REEP2: variants seen among roughly 807,000 people sequenced by gnomAD.
The protein encoded by REEP2 is receptor accessory protein 2.
Under a neutral mutation model 32.1 loss-of-function variants are expected in REEP2, and 9 were observed. That is an observed-to-expected ratio of 0.28 (90% confidence interval 0.17 to 0.49). The LOEUF (loss-of-function observed/expected upper bound fraction) is 0.49, where lower values mean the gene tolerates loss of function less well. Ranked by LOEUF, REEP2 falls within the 20% of genes least tolerant of loss-of-function variation. The probability of loss-of-function intolerance (pLI) is 0.99; values close to 1 mark genes in which losing one functional copy is unlikely to be tolerated. For missense variants in REEP2, 236 were observed against 338.0 expected (o/e 0.70, Z 2.37); for synonymous variants, 128 against 139.1 (o/e 0.92, Z 0.56).
Position 138,439,183 on chromosome 5 carries a change from C to CGCCCCGCGCCGCGCCCG in REEP2, c.-18_-2dup. On this transcript the variant is annotated 5_prime_UTR_variant, in exon 1 of 8. Transcript: ENST00000378339. ...TGCATCCTCGGCCGGGCCGGGTCCC[C>CGCCCCGCGCCGCGCCCG]GCCCCGCGCCGCGCCCGGCCCCGCC... 7.4e-7 allele frequency: 1 copy of CGCCCCGCGCCGCGCCCG among 1,356,528 alleles called. No individual in the cohort carries two copies. Among genetic ancestry groups the CGCCCCGCGCCGCGCCCG allele is most frequent in the Non-Finnish European group, 9.5e-7 (1 of 1,056,776 alleles). The allele number at this position is 1,356,528 out of a possible 1,614,324, so 84.0% of individuals were successfully genotyped here.
chr5:138,442,933 G>A (rs1763853011), intron 3 of REEP2, among the ~76,000 whole-genome samples: 1 of 151,984 alleles, frequency 6.6e-6, no homozygotes. Flanking sequence ...GGCTGAGACA[G>A]GAGAATCGCT....
At chr5:138,439,421 A>T (rs1267103782) in intron 1 of REEP2, among the ~76,000 whole-genome samples, 181 bp downstream of exon 1, 1 of 152,164 alleles carries the variant, frequency 6.6e-6, no homozygotes, top group East Asian at 1.9e-4. Context: ...ATATTAGGGG[A>T]GCGTGGCAGG....
rs1004719118 is a variant in REEP2, at chr5:138,446,272, G to C, written c.*521G>C. The C allele has an allele frequency of 1.3e-5, 2 of 156,398 alleles. No homozygotes were observed. The highest frequency in any genetic ancestry group is 4.8e-5 in the African/African-American group (2 of 41,442). The allele number at this position is 156,398 out of a possible 1,614,324, so 9.7% of individuals were successfully genotyped here. A position where few individuals can be genotyped will look rare whatever the true frequency, so the allele number is the denominator to read the frequency against. On this transcript the variant is annotated 3_prime_UTR_variant, in exon 8 of 8. Coordinates refer to ENST00000378339, the MANE Select transcript of REEP2 (RefSeq NM_001271803.2). ...CAGCTGTGGATGGAAGACAGGGATTGGCCTGTGCTTCAGCGACCAGGATGG... is the reference window on the plus strand; with the variant it reads ...CAGCTGTGGATGGAAGACAGGGATTCGCCTGTGCTTCAGCGACCAGGATGG...
intron 3 of REEP2, 80 bp from the exon 4 acceptor site, chr5:138,444,335 C>T (rs1763882003): frequency 2.6e-6 from 4 of 1,542,132 alleles, no homozygotes; most frequent in Non-Finnish European, 3.5e-6. Context: ...TGCAGGGTCA[C>T]ACATGGGGCC....
In REEP2 at chr5:138,441,227, G is replaced by A. The variant is rs1401085076; in HGVS notation, c.105+139G>A. On this transcript the variant is annotated intron_variant, in intron 2 of 7. Coordinates refer to ENST00000378339, the MANE Select transcript of REEP2 (RefSeq NM_001271803.2). This position sits in a 1 kb window ranked among gnomAD's most constrained non-coding sequence, Gnocchi z 4.4. Reference sequence around the variant, plus strand: ...AGACCCACCAGCAAAGGAGGGCCCTGGGTGTCCCACACAGCGCCTCCAACA... The same window carrying A: ...AGACCCACCAGCAAAGGAGGGCCCTAGGTGTCCCACACAGCGCCTCCAACA... 1 of 1,341,840 alleles carries A rather than the reference G, an allele frequency of 7.5e-7. No homozygotes were observed. The highest frequency in any genetic ancestry group is 1.1e-6 in the Non-Finnish European group (1 of 948,726). The allele number at this position is 1,341,840 out of a possible 1,614,324, so 83.1% of individuals were successfully genotyped here.
Position 138,441,366 on chromosome 5 carries a change from G to C in REEP2, c.106-19G>C. On this transcript the variant is annotated intron_variant, in intron 2 of 7. Transcript: ENST00000378339. This position sits in a 1 kb window ranked among gnomAD's most constrained non-coding sequence, Gnocchi z 4.4. ...CCCTCAGCCCCGTGCCCCAGCCAGC[G>C]CTTCCCTCTGTCCCTCAGGTGAAAT... 1 of 1,612,490 alleles carries C rather than the reference G, an allele frequency of 6.2e-7. No homozygotes were observed. Among genetic ancestry groups the C allele is most frequent in the Non-Finnish European group, 8.5e-7 (1 of 1,178,520 alleles).
chr5:138,439,844 T>G (rs1367417796), intron 1 of REEP2: 1 of 442,064 alleles, frequency 2.3e-6, no homozygotes, highest in South Asian at 1.6e-5. Flanking sequence ...GGAGAGGGGA[T>G]GTGTGTGCTC....
At chr5:138,444,356 G>C (rs1337789775) in intron 3 of REEP2, 59 bp from the exon 4 acceptor site, 1 of 1,585,694 alleles carries the variant, frequency 6.3e-7, no homozygotes, top group Non-Finnish European at 8.6e-7. Flanking sequence ...GGTGCTGCTG[G>C]ACACAGGGCA....
chr5:138,441,236 A>T lies in REEP2; in HGVS notation c.105+148A>T. 3.1e-6 allele frequency: 4 copies of T among 1,310,244 alleles called. No homozygotes were observed. The South Asian group carries it at 3.7e-5, about 12-fold the overall frequency. The allele number at this position is 1,310,244 out of a possible 1,614,324, so 81.2% of individuals were successfully genotyped here. ...AGCAAAGGAGGGCCCTGGGTGTCCC[A>T]CACAGCGCCTCCAACATGGCTGGCA... On this transcript the variant is annotated intron_variant, in intron 2 of 7. Coordinates refer to ENST00000378339, the MANE Select transcript of REEP2 (RefSeq NM_001271803.2). This position sits in a 1 kb window ranked among gnomAD's most constrained non-coding sequence, Gnocchi z 4.4.
At chr5:138,440,975 C>T (rs765509830) in intron 1 of REEP2, 41 bp from the exon 2 acceptor site, 11 of 1,608,530 alleles carry the variant, frequency 6.8e-6, no homozygotes, top group Admixed American at 5.0e-5. Flanking sequence ...GAGGCCACTG[C>T]CCTTGGCTGA....
At position 138,441,474 on chromosome 5, in the gene REEP2, G is replaced by A. The variant is rs772121707; in HGVS notation, c.182+13G>A. 2.2e-5 allele frequency: 35 copies of A among 1,611,888 alleles called. No homozygotes were observed. The highest frequency in any genetic ancestry group is 2.3e-5 in the Non-Finnish European group (27 of 1,178,136). On this transcript the variant is annotated intron_variant, in intron 3 of 7. Coordinates refer to ENST00000378339, the MANE Select transcript of REEP2 (RefSeq NM_001271803.2). This position sits in a 1 kb window ranked among gnomAD's most constrained non-coding sequence, Gnocchi z 4.4. ...TAGTGCTCTCCTGGTGAGGTCCAGC[G>A]TCCCCTCCTGTATCTCAGGGCCCAG...
chr5:138,443,672 G>C (rs1763869921), intron 3 of REEP2: 1 of 151,868 alleles, frequency 6.6e-6, no homozygotes, highest in Non-Finnish European at 1.5e-5. Context: ...CTCCTGAGTA[G>C]CTGGGACCAC....
chr5:138,445,363 A>G lies in REEP2; in HGVS notation c.553A>G (p.Ile185Val). The change falls in exon 6 of 8, where the codon ATC (isoleucine) becomes GTC (valine). Residue 185 changes from isoleucine (I) to valine (V), a missense_variant. Ile to Val is a conservative substitution (Grantham distance 29). Coordinates refer to ENST00000378339, the MANE Select transcript of REEP2 (RefSeq NM_001271803.2). ...CAGCCCTGGCAGCCTCCTGGACACC[A>G]TCGAGGACTTAGGTACAGGCAGGGC... ...RPSPGSLLDT[I>V]EDLGDDPALS... is the part of the protein sequence containing the mutation. 1 of 1,612,738 alleles carries G rather than the reference A, an allele frequency of 6.2e-7. No homozygotes were observed. The highest frequency in any genetic ancestry group is 2.2e-5 in the East Asian group (1 of 44,846).
rs1416036264 is a variant in REEP2, at chr5:138,441,551, G to A, written c.182+90G>A. The A allele has an allele frequency of 6.3e-6, 7 of 1,115,780 alleles. No homozygotes were observed. The highest frequency in any genetic ancestry group is 9.5e-6 in the Non-Finnish European group (7 of 734,846). The allele number at this position is 1,115,780 out of a possible 1,614,324, so 69.1% of individuals were successfully genotyped here. A position where few individuals can be genotyped will look rare whatever the true frequency, so the allele number is the denominator to read the frequency against. ...GCCAAACAAAAGACTGGGCCTGGGG[G>A]TGAAGCTCCTCCCATTCCTGACAAT... On this transcript the variant is annotated intron_variant, in intron 3 of 7. Coordinates refer to ENST00000378339, the MANE Select transcript of REEP2 (RefSeq NM_001271803.2). This position sits in a 1 kb window ranked among gnomAD's most constrained non-coding sequence, Gnocchi z 4.4.
rs1216347336 is a variant in REEP2, at chr5:138,445,287, C to T, written c.477C>T (p.Ile159=). 8.1e-6 allele frequency: 13 copies of T among 1,613,452 alleles called. No individual in the cohort carries two copies. Among genetic ancestry groups the T allele is most frequent in the African/African-American group, 4.0e-5 (3 of 74,946 alleles). ...RSFSMQDLTL[I]RDEDALPLQR... ...TCAGCATGCAGGACCTGACCCTGAT[C>T]CGGGACGAGGACGCACTGCCCCTGC... Residue 159 remains isoleucine (I), a synonymous_variant, in exon 6 of 8, where the codon ATC becomes ATT. Coordinates refer to ENST00000378339, the MANE Select transcript of REEP2 (RefSeq NM_001271803.2).
At chr5:138,440,855 T>A in intron 1 of REEP2, 161 bp from the exon 2 acceptor site, 2 of 1,371,874 alleles carry the variant, frequency 1.5e-6, no homozygotes, top group Non-Finnish European at 1.9e-6. Flanking sequence ...TGGCTGGGCA[T>A]GTTCCATGCT....
At chr5:138,444,390 T>G (rs751072615) in intron 3 of REEP2, 25 bp from the exon 4 acceptor site, 1 of 1,611,922 alleles carries the variant, frequency 6.2e-7, no homozygotes, top group East Asian at 2.2e-5. Flanking sequence ...TGCCCTGTAC[T>G]CTGCGCTTGC....
chr5:138,445,511 A>G lies in REEP2; in HGVS notation c.609A>G (p.Ala203=). The stretch of plus-strand genomic sequence containing the variant: ...GTCTAAGGTCCAGCACAAACCCGGC[A>G]GATTCCCGGACAGAGGCTTCTGAGG... ...ALSLRSSTNP[A]DSRTEASEDD... The change falls in exon 7 of 8, where the codon GCA becomes GCG. Residue 203 remains alanine (A), a synonymous_variant. Coordinates refer to ENST00000378339, the MANE Select transcript of REEP2 (RefSeq NM_001271803.2). The G allele has an allele frequency of 6.2e-7, 1 of 1,614,190 alleles. No individual in the cohort carries two copies. Among genetic ancestry groups the G allele is most frequent in the South Asian group, 1.1e-5 (1 of 91,088 alleles).
At position 138,444,810 on chromosome 5, in the gene REEP2, G is replaced by C; in HGVS notation, c.360G>C (p.Arg120Ser). ...ACAAGAGCTATGAGACCATGATGAG[G>C]GTGGGCAAGAGGGGCCTGAACCTTG... ...ARDKSYETMM[R>S]VGKRGLNLAA... The change falls in exon 5 of 8, where the codon AGG becomes AGC. Residue 120 changes from arginine to serine, a missense_variant. By Grantham distance (110) the Arg-to-Ser change is moderately radical. Coordinates refer to ENST00000378339, the MANE Select transcript of REEP2 (RefSeq NM_001271803.2). The C allele has an allele frequency of 6.2e-7, 1 of 1,614,076 alleles. No individual in the cohort carries two copies.
Sources: gnomAD v4.1 joint callset for allele counts (sites outside exome capture counted in the v4.1 genomes callset) on GRCh38, gnomAD v4.1.1 for gene constraint, Gnocchi (gnomAD v3.1) non-coding constraint, MANE v1.5 for transcripts, NCBI Gene and HGNC (gene_info 2026-07-23, HGNC 2026-07-21) for gene names.